Variants in PIK3R4 observed in about 807,000 individuals in gnomAD.
The protein encoded by PIK3R4 is phosphoinositide 3-kinase regulatory subunit 4.
PIK3R4 carries 46 observed loss-of-function variants against 136.5 expected under a neutral mutation model. The observed-to-expected ratio is 0.34, with a 90% CI of 0.27 to 0.43. The LOEUF is 0.43. PIK3R4 is among the 20% of genes least tolerant of loss of function. PIK3R4 has a pLI of 1.00. For synonymous variants in PIK3R4, 557 were observed against 566.7 expected (o/e 0.98, Z 0.24); for missense variants, 1,331 against 1,649.5 (o/e 0.81, Z 3.35).
In PIK3R4 at chr3:130,723,571, A is replaced by T; in HGVS notation, c.1824T>A (p.Val608=). Residue 608 remains valine (V), a synonymous_variant, in exon 7 of 20, where the codon GTT becomes GTA. Transcript: ENST00000356763. ...FDSIVGVAAY[V]GWQSSSILKP... ...TGAGAATTGAGGAGCTTTGCCAGCCAACATAGGCAGCAACACCTGGAAATG... is the reference window on the plus strand; with the variant it reads ...TGAGAATTGAGGAGCTTTGCCAGCCTACATAGGCAGCAACACCTGGAAATG... 6.2e-7 allele frequency: 1 copy of T among 1,612,834 alleles called. No homozygotes were observed. The highest frequency in any genetic ancestry group is 8.5e-7 in the Non-Finnish European group (1 of 1,179,686).
chr3:130,688,493 T>A (rs2066500495), intron 14 of PIK3R4, among the ~76,000 whole-genome samples: 1 of 152,226 alleles, frequency 6.6e-6, no homozygotes, highest in Non-Finnish European at 1.5e-5. Flanking sequence ...TCCCCTTACA[T>A]CCTGGTTAAC....
intron 13 of PIK3R4, among the ~76,000 whole-genome samples, chr3:130,691,021 A>G (rs1311864383): frequency 1.3e-5 from 2 of 151,216 alleles, no homozygotes; most frequent in Admixed American, 6.6e-5. Flanking sequence ...CTCCCACCTC[A>G]GCTACCCTGG....
intron 13 of PIK3R4, among the ~76,000 whole-genome samples, chr3:130,702,906 T>A (rs1559823168): frequency 6.6e-6 from 1 of 152,344 alleles, no homozygotes; most frequent in East Asian, 1.9e-4. Context: ...ATAATTTTTT[T>A]ACTTTTTTCA....
chr3:130,703,953 CT>C, intron 12 of PIK3R4, 65 bp from the exon 13 acceptor site: 1 of 1,050,418 alleles, frequency 9.5e-7, no homozygotes. Flanking sequence ...CCATCATCCC[CT>C]GTTATAATAA....
chr3:130,716,605 T>G lies in PIK3R4; in HGVS notation c.2128-6A>C, dbSNP rs764405048. ...AGAACAAGTTTTCTTTCAATCTATA[T>G]TGGAAAAATAAAAAGGATCAGCCAA... On this transcript the variant is annotated splice_region_variant and splice_polypyrimidine_tract_variant and intron_variant, in intron 8 of 19. Transcript: ENST00000356763. 2.5e-6 allele frequency: 4 copies of G among 1,590,866 alleles called. No homozygotes were observed.
chr3:130,735,481 G>A (rs1160429988), intron 3 of PIK3R4, among the ~76,000 whole-genome samples: 3 of 152,082 alleles, frequency 2.0e-5, no homozygotes, highest in African/African-American at 7.2e-5. Flanking sequence ...CTGTATTGCT[G>A]TATTACATTC....
At chr3:130,697,494 T>C (rs1209816548) in intron 13 of PIK3R4, among the ~76,000 whole-genome samples, 1 of 152,220 alleles carries the variant, frequency 6.6e-6, no homozygotes, top group Non-Finnish European at 1.5e-5. Context: ...ATCATGTTTT[T>C]TCACCCCTTC....
chr3:130,741,959 C>T (rs1279220533), intron 2 of PIK3R4, among the ~76,000 whole-genome samples: 3 of 152,170 alleles, frequency 2.0e-5, no homozygotes, highest in African/African-American at 7.2e-5. Flanking sequence ...TTAAGTACAA[C>T]AACGTACAAC....
At chr3:130,708,924 A>G (rs1576456319) in intron 9 of PIK3R4, among the ~76,000 whole-genome samples, 1 of 152,192 alleles carries the variant, frequency 6.6e-6, no homozygotes, top group South Asian at 2.1e-4. Flanking sequence ...GGTTGTGTTG[A>G]GAAATTTATA....
intron 13 of PIK3R4, among the ~76,000 whole-genome samples, chr3:130,692,916 T>G (rs2066526810): frequency 6.6e-6 from 1 of 152,236 alleles, no homozygotes; most frequent in African/African-American, 2.4e-5. Flanking sequence ...ATTTTACAAC[T>G]ATCACCATTA....
intron 4 of PIK3R4, among the ~76,000 whole-genome samples, chr3:130,731,566 C>T (rs997891815): frequency 6.6e-6 from 1 of 152,032 alleles, no homozygotes; most frequent in South Asian, 2.1e-4. Flanking sequence ...GATGAATATC[C>T]CCACTTTAAT....
chr3:130,730,975 G>A (rs1364041410), intron 4 of PIK3R4, among the ~76,000 whole-genome samples: 1 of 152,226 alleles, frequency 6.6e-6, no homozygotes, highest in East Asian at 1.9e-4. Context: ...TGCTTTACAA[G>A]TGATACTCAA....
chr3:130,728,115 G>A (rs1196942018), intron 6 of PIK3R4, among the ~76,000 whole-genome samples: 3 of 152,066 alleles, frequency 2.0e-5, no homozygotes, highest in Non-Finnish European at 4.4e-5. Flanking sequence ...TATGATTTCT[G>A]TTATTGTTAC....
At chr3:130,691,889 T>G (rs1422891173) in intron 13 of PIK3R4, among the ~76,000 whole-genome samples, 1 of 146,672 alleles carries the variant, frequency 6.8e-6, no homozygotes, top group Non-Finnish European at 1.5e-5. Flanking sequence ...TTTTTTTTTT[T>G]TCTGAGACAG....
chr3:130,719,634 A>G (rs1465656879), intron 7 of PIK3R4, among the ~76,000 whole-genome samples: 5 of 152,164 alleles, frequency 3.3e-5, no homozygotes, highest in Admixed American at 6.5e-5. Context: ...AAACATTGGT[A>G]AACCTCCAGA....
At chr3:130,715,093 AG>A (rs1197457846) in intron 9 of PIK3R4, among the ~76,000 whole-genome samples, 1 of 147,512 alleles carries the variant, frequency 6.8e-6, no homozygotes, top group Non-Finnish European at 1.5e-5. Context: ...ATTTCTCCAC[AG>A]CCTCCCCAGG....
At chr3:130,686,511 G>A (rs1011145330) in intron 14 of PIK3R4, 89 bp from the exon 15 acceptor site, 41 of 771,950 alleles carry the variant, frequency 5.3e-5, no homozygotes, top group Non-Finnish European at 8.9e-5. Context: ...CCTATCCATA[G>A]TCAAGAAACC....
chr3:130,739,542 T>C lies in PIK3R4; in HGVS notation c.734-3540A>G, dbSNP rs117200665. Among the ~76,000 whole-genome samples the C allele has an allele frequency of 4.2e-3, 638 of 152,104 alleles. 16 individuals carry two copies. Among genetic ancestry groups the C allele is most frequent in the East Asian group, 0.036 (188 of 5,174 alleles). ...GTACACCACCACGCCCAACTAATTT[T>C]TTACATTTTTTGTAGAGACAGGGTT... On this transcript the variant is annotated intron_variant, in intron 2 of 19. Transcript: ENST00000356763.
chr3:130,723,343 T>G, intron 7 of PIK3R4, 71 bp downstream of exon 7: 1 of 1,325,566 alleles, frequency 7.5e-7, no homozygotes, highest in Non-Finnish European at 1.0e-6. Context: ...AAAGTTGCAA[T>G]TCTTTATATT....
Sources: gnomAD v4.1 joint callset for allele counts (sites outside exome capture counted in the v4.1 genomes callset) on GRCh38, gnomAD v4.1.1 for gene constraint, MANE v1.5 for transcripts, NCBI Gene and HGNC (gene_info 2026-07-23, HGNC 2026-07-21) for gene names.